Variants in THSD4 observed in about 807,000 individuals in gnomAD.
THSD4 encodes thrombospondin type-1 domain-containing protein 4.
THSD4 carries 69 observed loss-of-function variants against 119.0 expected under a neutral mutation model. The observed-to-expected ratio is 0.58, with a 90% CI of 0.48 to 0.71. The LOEUF is 0.71. Among genes scored for constraint, THSD4 ranks in the 30% least tolerant of loss-of-function variants. THSD4 has a pLI of 0.00. For synonymous variants in THSD4, 524 were observed against 540.4 expected (o/e 0.97, Z 0.42); for missense variants, 1,393 against 1,391.1 (o/e 1.00, Z -0.02).
At chr15:71,234,801 T>C (rs2044090298) in intron 4 of THSD4, among the ~76,000 whole-genome samples, 1 of 152,140 alleles carries the variant, frequency 6.6e-6, no homozygotes, top group Non-Finnish European at 1.5e-5. Flanking sequence ...GGCGCTATCA[T>C]CCTCAGTCTC....
At chr15:71,770,117 G>A (rs1310678633) in intron 16 of THSD4, among the ~76,000 whole-genome samples, 1 of 126,596 alleles carries the variant, frequency 7.9e-6, no homozygotes, top group African/African-American at 3.2e-5. Context: ...GCGTGGTGGT[G>A]CATGCCTGTA....
At chr15:71,265,758 A>C (rs1435030486) in intron 6 of THSD4, among the ~76,000 whole-genome samples, 1 of 151,996 alleles carries the variant, frequency 6.6e-6, no homozygotes, top group Non-Finnish European at 1.5e-5. Flanking sequence ...TAGACGCTTG[A>C]GCTTTGTGGG....
chr15:71,604,441 A>G (rs35009079), intron 7 of THSD4, among the ~76,000 whole-genome samples: 14,442 of 152,306 alleles, frequency 0.095, 847 homozygotes, highest in Middle Eastern at 0.17. Flanking sequence ...ATGAAACCAT[A>G]TAGTTGGACT....
intron 4 of THSD4, among the ~76,000 whole-genome samples, chr15:71,237,841 A>G (rs974826520): frequency 6.6e-6 from 1 of 152,198 alleles, no homozygotes; most frequent in African/African-American, 2.4e-5. Context: ...GCTTAGCATT[A>G]TCTTTGTAGA....
chr15:71,741,911 G>T (rs1218894099), intron 11 of THSD4, among the ~76,000 whole-genome samples: 2 of 152,176 alleles, frequency 1.3e-5, no homozygotes. Flanking sequence ...TCTTTCAAGT[G>T]ACAAGTGGCA....
chr15:71,249,582 T>C (rs1242502258), intron 5 of THSD4, among the ~76,000 whole-genome samples: 1 of 151,626 alleles, frequency 6.6e-6, no homozygotes, highest in Admixed American at 6.6e-5. Context: ...TATAGAAAGT[T>C]GTTCTCTTAT....
At chr15:71,763,414 C>A (rs927794675) in intron 15 of THSD4, among the ~76,000 whole-genome samples, 1 of 151,786 alleles carries the variant, frequency 6.6e-6, no homozygotes, top group Non-Finnish European at 1.5e-5. Flanking sequence ...AACTTTAAAT[C>A]AAAAAGTATT....
intron 8 of THSD4, among the ~76,000 whole-genome samples, chr15:71,708,218 G>C (rs754249364): frequency 6.6e-6 from 1 of 152,210 alleles, no homozygotes; most frequent in Non-Finnish European, 1.5e-5. Context: ...GGCTGGGGAG[G>C]AGGGAGAGTA....
chr15:71,127,822 A>G (rs886265149), intron 1 of THSD4, among the ~76,000 whole-genome samples: 1 of 151,972 alleles, frequency 6.6e-6, no homozygotes, highest in Non-Finnish European at 1.5e-5. Context: ...TTAACCCCTT[A>G]TTGGATGTTT....
chr15:71,713,401 T>G (rs985845808), intron 8 of THSD4, among the ~76,000 whole-genome samples: 3 of 152,194 alleles, frequency 2.0e-5, no homozygotes, highest in Non-Finnish European at 2.9e-5. Context: ...TGTGCCCACA[T>G]GGCCCTCCGC....
chr15:71,570,867 T>G (rs552909130), intron 7 of THSD4, among the ~76,000 whole-genome samples: 21 of 152,260 alleles, frequency 1.4e-4, no homozygotes, highest in Admixed American at 1.1e-3. Flanking sequence ...CATCTCTGGG[T>G]GTCTGTGGCT....
intron 7 of THSD4, among the ~76,000 whole-genome samples, chr15:71,635,605 CA>C (rs992871883): frequency 6.6e-6 from 1 of 152,188 alleles, no homozygotes; most frequent in African/African-American, 2.4e-5. Context: ...GATTGGAAAA[CA>C]TGATCTTCTA....
chr15:71,580,586 A>ATAT (rs2049539235), intron 7 of THSD4, among the ~76,000 whole-genome samples: 1 of 152,154 alleles, frequency 6.6e-6, no homozygotes, highest in Non-Finnish European at 1.5e-5. Flanking sequence ...GAAATTATTT[A>ATAT]TCTTGTGTAA....
At position 71,101,890 on chromosome 15, in the gene THSD4, T is replaced by C. The variant is rs1027312886; in HGVS notation, c.-80+4884T>C. Among the ~76,000 whole-genome samples the C allele has an allele frequency of 2.6e-5, 4 of 152,158 alleles. No homozygotes were observed. In the East Asian group the frequency reaches 7.8e-4, roughly 29 times the overall value. On this transcript the variant is annotated intron_variant, in intron 1 of 17. Coordinates refer to the THSD4 transcript ENST00000355327. ...CACCACGACTGGCTAATTTTTTGTA[T>C]TTTCGTAGAGACGGGGTTTCACCAT...
At chr15:71,739,209 AT>A (rs1163282586) in intron 11 of THSD4, among the ~76,000 whole-genome samples, 1 of 151,996 alleles carries the variant, frequency 6.6e-6, no homozygotes, top group African/African-American at 2.4e-5. Context: ...CCCTGTATTC[AT>A]TCATTATTCC....
intron 7 of THSD4, among the ~76,000 whole-genome samples, chr15:71,612,218 TGTCA>T (rs2050244162): frequency 1.3e-5 from 2 of 152,164 alleles, no homozygotes; most frequent in African/African-American, 4.8e-5. Flanking sequence ...TTTGTGCTTT[TGTCA>T]GTGTGATCAC....
chr15:71,613,562 C>T (rs527378868), intron 7 of THSD4, among the ~76,000 whole-genome samples: 2 of 152,150 alleles, frequency 1.3e-5, no homozygotes, highest in African/African-American at 4.8e-5. Flanking sequence ...ATTTCTCTTC[C>T]TTATCTAGAC....
intron 7 of THSD4, among the ~76,000 whole-genome samples, chr15:71,541,266 T>G (rs1041544586): frequency 3.3e-5 from 5 of 152,246 alleles, no homozygotes; most frequent in African/African-American, 7.2e-5. Context: ...TACATTCTTT[T>G]GCTTATACCA....
intron 3 of THSD4, among the ~76,000 whole-genome samples, chr15:71,170,472 C>T (rs2043347429): frequency 6.6e-6 from 1 of 152,108 alleles, no homozygotes; most frequent in Admixed American, 6.6e-5. Context: ...AAGCTCTCAC[C>T]TCAGTATTGG....
Sources: allele counts gnomAD v4.1 joint callset (sites outside exome capture counted in the v4.1 genomes callset), GRCh38; gene constraint gnomAD v4.1.1; transcripts MANE v1.5; gene names NCBI Gene and HGNC (gene_info 2026-07-23, HGNC 2026-07-21).